GRIN2B: variants seen among roughly 807,000 people sequenced by gnomAD.
The protein encoded by GRIN2B is glutamate ionotropic receptor NMDA type subunit 2B.
GRIN2B carries 5 observed loss-of-function variants against 114.5 expected under a neutral mutation model. The observed-to-expected ratio is 0.04, with a 90% confidence interval of 0.02 to 0.09. The LOEUF is 0.09. GRIN2B is among the 10% of genes least tolerant of loss of function. The pLI, the probability that GRIN2B is intolerant of heterozygous loss-of-function variation, is 1.00. For missense variants in GRIN2B, 1,108 were observed against 1,943.5 expected (o/e 0.57, Z 8.08); for synonymous variants, 787 against 745.1 (o/e 1.06, Z -0.92).
chr12:13,717,087 G>GTT (rs1417838021), intron 4 of GRIN2B, among the ~76,000 whole-genome samples: 1 of 147,934 alleles, frequency 6.8e-6, no homozygotes, highest in African/African-American at 2.6e-5. Context: ...GTGTGTGTGT[G>GTT]TGTGTGTGTG....
chr12:13,925,716 G>A (rs367696821), intron 2 of GRIN2B, among the ~76,000 whole-genome samples: 2 of 152,064 alleles, frequency 1.3e-5, no homozygotes, highest in Admixed American at 6.5e-5. Flanking sequence ...TTCATTCCTG[G>A]CTATTAAAAT....
chr12:13,976,890 A>G (rs2136878434), intron 2 of GRIN2B, among the ~76,000 whole-genome samples: 1 of 152,188 alleles, frequency 6.6e-6, no homozygotes, highest in East Asian at 1.9e-4. Flanking sequence ...GTTTCTCCCA[A>G]ACACCCCTCA....
intron 3 of GRIN2B, among the ~76,000 whole-genome samples, chr12:13,830,058 TTGTC>T (rs1273181865): frequency 6.6e-6 from 1 of 152,126 alleles, no homozygotes; most frequent in African/African-American, 2.4e-5. Flanking sequence ...AAGGCAGAGA[TTGTC>T]TGTCACTGTG....
intron 3 of GRIN2B, among the ~76,000 whole-genome samples, chr12:13,777,618 C>T (rs536962291): frequency 3.5e-4 from 53 of 152,312 alleles, no homozygotes; most frequent in African/African-American, 1.2e-3. Flanking sequence ...GTGCCTAACG[C>T]TTGGTGCCTT....
intron 3 of GRIN2B, among the ~76,000 whole-genome samples, chr12:13,763,754 G>A (rs1413603099): frequency 1.3e-5 from 2 of 152,162 alleles, no homozygotes; most frequent in Non-Finnish European, 2.9e-5. Context: ...GCAGGGTTAA[G>A]TCCAATCTTT....
intron 10 of GRIN2B, among the ~76,000 whole-genome samples, chr12:13,572,239 TCCTTTTATGTA>T (rs1455459431): frequency 6.6e-6 from 1 of 152,198 alleles, no homozygotes; most frequent in Non-Finnish European, 1.5e-5. Flanking sequence ...CCTTCTATGT[TCCTTTTATGTA>T]CACTACACAA....
At chr12:13,622,581 A>T (rs76646718) in intron 5 of GRIN2B, among the ~76,000 whole-genome samples, 72 of 151,052 alleles carry the variant, frequency 4.8e-4, no homozygotes, top group African/African-American at 1.7e-3. Flanking sequence ...CTGCTACTAT[A>T]AAAAAAAACA....
At chr12:13,718,072 T>C (rs1029725408) in intron 4 of GRIN2B, among the ~76,000 whole-genome samples, 1 of 152,046 alleles carries the variant, frequency 6.6e-6, no homozygotes, top group East Asian at 1.9e-4. Context: ...GGAAAGGAAG[T>C]CTTTGCCTCT....
chr12:13,738,728 G>A (rs1054038928), intron 4 of GRIN2B, among the ~76,000 whole-genome samples: 32 of 151,238 alleles, frequency 2.1e-4, no homozygotes, highest in African/African-American at 7.1e-4. Flanking sequence ...TCTGATAACC[G>A]AGGTAAAAAA....
At chr12:13,771,016 C>A (rs1308627216) in intron 3 of GRIN2B, among the ~76,000 whole-genome samples, 1 of 152,142 alleles carries the variant, frequency 6.6e-6, no homozygotes, top group East Asian at 1.9e-4. Context: ...TTGGCTCTGT[C>A]CCCACCCAAA....
intron 10 of GRIN2B, among the ~76,000 whole-genome samples, chr12:13,605,090 A>AGTTGTTTTTGCCAGGGGC (rs1565472178): frequency 6.6e-6 from 1 of 151,340 alleles, no homozygotes; most frequent in African/African-American, 2.4e-5. Context: ...TTTTGTCTTA[A>AGTTGTTTTTGCCAGGGGC]TGATGAACAA....
chr12:13,899,065 G>C (rs1038982211), intron 2 of GRIN2B, among the ~76,000 whole-genome samples: 2 of 152,094 alleles, frequency 1.3e-5, no homozygotes, highest in Admixed American at 6.5e-5. Flanking sequence ...AATTCTAAGA[G>C]GCCAATAAGT....
rs190506490 is a variant in GRIN2B at position 13,826,385 on chromosome 12, C to T, written c.411+39413G>A. Among the ~76,000 whole-genome samples the T allele has an allele frequency of 3.8e-4, 58 of 152,170 alleles. No homozygotes were observed. In the East Asian group the frequency reaches 0.01, roughly 27 times the overall value. On this transcript the variant is annotated intron_variant, in intron 3 of 13. Transcript: ENST00000609686. Reference sequence around the variant, plus strand: ...ACTCTGGAGGCTGAGGCAGGAGAATCGCTTGAACCCAGGAGGCGGAGGTTG... The same window carrying T: ...ACTCTGGAGGCTGAGGCAGGAGAATTGCTTGAACCCAGGAGGCGGAGGTTG...
chr12:13,564,807 C>T lies in GRIN2B; in HGVS notation c.2599-168G>A, dbSNP rs1384067154. On this transcript the variant is annotated intron_variant, in intron 13 of 13. Transcript: ENST00000609686. This position sits in a 1 kb window ranked among gnomAD's most constrained non-coding sequence, Gnocchi z 4.8. ...GGCTAGAAGTTTGCCTAATTTATACCCCTAAATTTGGTGACTGTCATGTGG... is the reference window on the plus strand; with the variant it reads ...GGCTAGAAGTTTGCCTAATTTATACTCCTAAATTTGGTGACTGTCATGTGG... 6.6e-6 allele frequency among the ~76,000 whole-genome samples: 1 copy of T among 152,094 alleles called. No homozygotes were observed. Among genetic ancestry groups the T allele is most frequent in the Non-Finnish European group, 1.5e-5 (1 of 68,014 alleles).
At chr12:13,567,399 G>A (rs948530902) in intron 12 of GRIN2B, 136 bp from the exon 13 acceptor site, 1 of 669,328 alleles carries the variant, frequency 1.5e-6, no homozygotes, top group Non-Finnish European at 2.6e-6. Flanking sequence ...CAAAAAGAAA[G>A]GAAATGAATA....
intron 3 of GRIN2B, among the ~76,000 whole-genome samples, chr12:13,817,874 C>CA (rs1864858746): frequency 6.6e-6 from 1 of 152,110 alleles, no homozygotes; most frequent in South Asian, 2.1e-4. Flanking sequence ...AAATGGAAAG[C>CA]AAAGCTGGGA....
chr12:13,890,427 A>G (rs569321263), intron 2 of GRIN2B, among the ~76,000 whole-genome samples: 1 of 152,274 alleles, frequency 6.6e-6, no homozygotes, highest in South Asian at 2.1e-4. Context: ...CCTAAACAGC[A>G]TCTCAAAATC....
At chr12:13,672,253 A>G (rs990704679) in intron 5 of GRIN2B, among the ~76,000 whole-genome samples, 1 of 152,172 alleles carries the variant, frequency 6.6e-6, no homozygotes, top group Non-Finnish European at 1.5e-5. Flanking sequence ...AGAAAAGTGA[A>G]AAAAGCAGGT....
intron 2 of GRIN2B, among the ~76,000 whole-genome samples, chr12:13,959,513 G>A (rs1272118021): frequency 4.6e-5 from 7 of 152,174 alleles, no homozygotes; most frequent in East Asian, 3.9e-4. Context: ...AGGTCCAGGC[G>A]GGGGATGCCA....
Sources: allele counts gnomAD v4.1 joint callset (sites outside exome capture counted in the v4.1 genomes callset), GRCh38; gene constraint gnomAD v4.1.1; non-coding constraint Gnocchi (gnomAD v3.1); transcripts MANE v1.5; gene names NCBI Gene and HGNC (gene_info 2026-07-23, HGNC 2026-07-21).